Variants in CCR5AS observed in about 807,000 individuals in gnomAD.
The protein encoded by CCR5AS is CCR5 antisense RNA.
chr3:46,399,685 T>A (rs2097285), intron 1 of CCR5AS, among the ~76,000 whole-genome samples: 2 of 152,038 alleles, frequency 1.3e-5, no homozygotes, highest in African/African-American at 4.8e-5. Context: ...GGAGCAACTC[T>A]GTCCATGGAG....
chr3:46,403,560 A>C (rs568236925), intron 1 of CCR5AS, among the ~76,000 whole-genome samples: 2 of 152,350 alleles, frequency 1.3e-5, no homozygotes, highest in South Asian at 4.1e-4. Context: ...CAGCCAAGGA[A>C]GGGGCGAACT....
chr3:46,383,422 T>C (rs1701831907), intron 2 of CCR5AS, among the ~76,000 whole-genome samples: 1 of 152,118 alleles, frequency 6.6e-6, no homozygotes, highest in Non-Finnish European at 1.5e-5. Context: ...CAAGTAGGAA[T>C]TAACGTGTTA....
intron 2 of CCR5AS, chr3:46,374,278 C>T: frequency 4.2e-6 from 1 of 238,614 alleles, no homozygotes; most frequent in South Asian, 1.6e-4. Context: ...AAAAGAAAGC[C>T]TCAGAGAATT....
intron 1 of CCR5AS, among the ~76,000 whole-genome samples, chr3:46,400,536 A>C (rs1701997906): frequency 1.3e-5 from 2 of 152,238 alleles, no homozygotes; most frequent in African/African-American, 4.8e-5. Flanking sequence ...CCAAAGGAGT[A>C]AAAGTTGTCA....
At chr3:46,400,598 A>G (rs1701998455) in intron 1 of CCR5AS, among the ~76,000 whole-genome samples, 1 of 152,240 alleles carries the variant, frequency 6.6e-6, no homozygotes, top group Non-Finnish European at 1.5e-5. Context: ...ATCAATGTTA[A>G]CAAACCTCAG....
intron 2 of CCR5AS, among the ~76,000 whole-genome samples, chr3:46,378,851 G>T (rs1366451146): frequency 6.6e-6 from 1 of 152,142 alleles, no homozygotes; most frequent in Admixed American, 6.5e-5. Flanking sequence ...CTTGCAACAA[G>T]ATCAGAAAAT....
chr3:46,405,905 G>A (rs1490660430), intron 1 of CCR5AS, among the ~76,000 whole-genome samples: 3 of 141,752 alleles, frequency 2.1e-5, no homozygotes, highest in Admixed American at 7.4e-5. Context: ...ACAGTGTCTC[G>A]CTCTGCCACC....
At chr3:46,386,046 G>A (rs1444592267) in intron 2 of CCR5AS, among the ~76,000 whole-genome samples, 2 of 152,036 alleles carry the variant, frequency 1.3e-5, no homozygotes, top group East Asian at 3.9e-4. Context: ...CAAGTAGCTG[G>A]GAGGACAGAC....
intron 2 of CCR5AS, among the ~76,000 whole-genome samples, chr3:46,390,108 G>T (rs1701897144): frequency 6.6e-6 from 1 of 152,116 alleles, no homozygotes; most frequent in South Asian, 2.1e-4. Context: ...GAAAGGGCCT[G>T]GCCAAAGTAA....
intron 2 of CCR5AS, among the ~76,000 whole-genome samples, chr3:46,387,335 G>A (rs960480696): frequency 2.0e-5 from 3 of 152,198 alleles, no homozygotes; most frequent in African/African-American, 7.2e-5. Flanking sequence ...CACATGTCCG[G>A]TAGTTCCTTC....
At chr3:46,389,935 T>G (rs2106769573) in intron 2 of CCR5AS, among the ~76,000 whole-genome samples, 1 of 152,182 alleles carries the variant, frequency 6.6e-6, no homozygotes, top group Non-Finnish European at 1.5e-5. Flanking sequence ...GGGAAGAAAT[T>G]TGTGCCTCAG....
intron 2 of CCR5AS, among the ~76,000 whole-genome samples, chr3:46,389,580 C>T (rs1468943149): frequency 1.3e-5 from 2 of 152,154 alleles, no homozygotes; most frequent in African/African-American, 2.4e-5. Context: ...ACTCTAGCAG[C>T]ACAGCCTTGT....
intron 2 of CCR5AS, among the ~76,000 whole-genome samples, chr3:46,372,424 G>A (rs956987529): frequency 6.6e-6 from 1 of 152,100 alleles, no homozygotes; most frequent in Non-Finnish European, 1.5e-5. Context: ...GCCACTTGGA[G>A]GGGTGAGGTG....
chr3:46,373,829 A>G, intron 2 of CCR5AS: 1 of 1,614,088 alleles, frequency 6.2e-7, no homozygotes, highest in South Asian at 1.1e-5. Context: ...ACTACCTCTT[A>G]GTCTTCTTCC....
intron 1 of CCR5AS, among the ~76,000 whole-genome samples, chr3:46,402,915 C>A (rs978176293): frequency 3.3e-5 from 5 of 152,148 alleles, no homozygotes; most frequent in African/African-American, 1.2e-4. Context: ...AAGTAGACCC[C>A]GGTGTCTGTT....
exon 2 of CCR5AS, chr3:46,392,897 AG>A (rs1223438594): frequency 5.0e-6 from 1 of 200,908 alleles, no homozygotes; most frequent in Non-Finnish European, 9.8e-6. Flanking sequence ...CTTCTCATGG[AG>A]TGAGGGTGAG....
chr3:46,377,144 G>T (rs79433396), intron 2 of CCR5AS, among the ~76,000 whole-genome samples: 54 of 152,312 alleles, frequency 3.5e-4, no homozygotes, highest in Admixed American at 1.1e-3. Flanking sequence ...TGACATACAT[G>T]CAGTCATGTC....
intron 1 of CCR5AS, among the ~76,000 whole-genome samples, chr3:46,398,381 A>G (rs1403387941): frequency 6.6e-6 from 1 of 152,234 alleles, no homozygotes; most frequent in Non-Finnish European, 1.5e-5. Flanking sequence ...ACACAAGGAA[A>G]TGGATCACCT....
intron 2 of CCR5AS, among the ~76,000 whole-genome samples, chr3:46,371,968 G>T (rs1701666763): frequency 6.6e-6 from 1 of 152,116 alleles, no homozygotes; most frequent in Admixed American, 6.5e-5. Context: ...TAAGAGTGCA[G>T]GCTTCCCGCA....
Sources: gnomAD v4.1 joint callset for allele counts (sites outside exome capture counted in the v4.1 genomes callset) on GRCh38, gnomAD v4.1.1 for gene constraint, MANE v1.5 for transcripts, NCBI Gene and HGNC (gene_info 2026-07-23, HGNC 2026-07-21) for gene names.